The following LHFPL3 variants were observed in gnomAD, a reference collection of about 807,000 sequenced individuals.
LHFPL3 encodes the protein LHFPL tetraspan subfamily member 3 protein.
A neutral mutation model predicts 19.3 loss-of-function variants in LHFPL3; 5 were observed. The ratio of observed to expected loss-of-function variants is 0.26; its 90% CI spans 0.14 to 0.54. LHFPL3 has a LOEUF of 0.54. LHFPL3 is among the 20% of genes least tolerant of loss of function. The pLI is 0.94. For missense variants in LHFPL3, 249 were observed against 307.4 expected (o/e 0.81, Z 1.42); for synonymous variants, 133 against 126.2 (o/e 1.05, Z -0.36).
chr7:104,396,392 C>A (rs73403845), intron 1 of LHFPL3, among the ~76,000 whole-genome samples: 6,238 of 152,066 alleles, frequency 0.041, 445 homozygotes, highest in African/African-American at 0.14. Context: ...ATGAAGGTCT[C>A]CAGAGCAGCG....
chr7:104,592,373 G>A (rs1790742997), intron 1 of LHFPL3, among the ~76,000 whole-genome samples: 1 of 150,998 alleles, frequency 6.6e-6, no homozygotes, highest in Non-Finnish European at 1.5e-5. Context: ...GTCTGTTGGA[G>A]TTTGCTGGAC....
At chr7:104,506,325 ACTC>A (rs1793698308) in intron 1 of LHFPL3, among the ~76,000 whole-genome samples, 1 of 151,778 alleles carries the variant, frequency 6.6e-6, no homozygotes, top group Non-Finnish European at 1.5e-5. Flanking sequence ...CCATCGCTGA[ACTC>A]CTACTCATTC....
chr7:104,526,016 C>T (rs10255529), intron 1 of LHFPL3, among the ~76,000 whole-genome samples: 82,006 of 151,822 alleles, frequency 0.54, 22,276 homozygotes, highest in Middle Eastern at 0.63. Context: ...TTCCCTCCTT[C>T]TCTACTTGGC....
intron 1 of LHFPL3, among the ~76,000 whole-genome samples, chr7:104,384,238 A>G (rs1334048882): frequency 6.6e-6 from 1 of 152,206 alleles, no homozygotes; most frequent in Non-Finnish European, 1.5e-5. Context: ...AGATTAAATA[A>G]AAGGTTTAAG....
At chr7:104,575,077 G>A (rs1790299617) in intron 1 of LHFPL3, among the ~76,000 whole-genome samples, 1 of 142,056 alleles carries the variant, frequency 7.0e-6, no homozygotes, top group African/African-American at 2.7e-5. Flanking sequence ...GCATACTTTG[G>A]TTTCTGAGTA....
chr7:104,761,432 A>T (rs12674286), intron 2 of LHFPL3, among the ~76,000 whole-genome samples: 36,320 of 151,978 alleles, frequency 0.24, 4,593 homozygotes, highest in South Asian at 0.47. Context: ...AGCAAAAACA[A>T]TAGGAGGAAA....
At position 104,547,237 on chromosome 7, in the gene LHFPL3, C is replaced by T. The variant is rs1457136130; in HGVS notation, c.446-189438C>T. On this transcript the variant is annotated intron_variant, in intron 1 of 2. Transcript: ENST00000424859. ...CGGCCTGGGCGACAGAGCGAGACTCCGTCTCAAAAAAAAAAAAAAAAAAAA... is the reference window on the plus strand; with the variant it reads ...CGGCCTGGGCGACAGAGCGAGACTCTGTCTCAAAAAAAAAAAAAAAAAAAA... 2.8e-3 allele frequency among the ~76,000 whole-genome samples: 25 copies of T among 8,998 alleles called. 6 individuals are homozygous for T. The highest frequency in any genetic ancestry group is 5.3e-3 in the Non-Finnish European group (21 of 3,932). 5.9% of individuals were successfully genotyped at this position (8,998 alleles called of 152,430 possible).
At chr7:104,851,638 T>A (rs1379839456) in intron 2 of LHFPL3, among the ~76,000 whole-genome samples, 1 of 152,222 alleles carries the variant, frequency 6.6e-6, no homozygotes, top group Admixed American at 6.5e-5. Context: ...CTGGGCCTAC[T>A]GGGAGCTCCA....
At chr7:104,408,158 C>T (rs957514592) in intron 1 of LHFPL3, among the ~76,000 whole-genome samples, 4 of 152,148 alleles carry the variant, frequency 2.6e-5, no homozygotes, top group Middle Eastern at 3.2e-3. Context: ...ATTTTATTAT[C>T]CAGCACAGTC....
chr7:104,804,830 G>A (rs545582782), intron 2 of LHFPL3, among the ~76,000 whole-genome samples: 4 of 152,314 alleles, frequency 2.6e-5, no homozygotes, highest in African/African-American at 7.2e-5. Flanking sequence ...GCATTCTTGT[G>A]AGAGATATTG....
chr7:104,722,899 A>C (rs1793514726), intron 1 of LHFPL3, among the ~76,000 whole-genome samples: 1 of 152,190 alleles, frequency 6.6e-6, no homozygotes, highest in South Asian at 2.1e-4. Flanking sequence ...CTTTTTAAAG[A>C]ATGAATTTAG....
intron 1 of LHFPL3, among the ~76,000 whole-genome samples, chr7:104,636,479 G>C (rs1276151937): frequency 6.6e-6 from 1 of 152,068 alleles, no homozygotes; most frequent in Admixed American, 6.6e-5. Context: ...TCATCATCCA[G>C]GTACTAAGCA....
intron 2 of LHFPL3, among the ~76,000 whole-genome samples, chr7:104,903,091 G>A (rs1054383958): frequency 2.0e-5 from 3 of 152,124 alleles, no homozygotes; most frequent in Non-Finnish European, 4.4e-5. Flanking sequence ...CACTACCCTG[G>A]GGTCTGATCT....
rs79327767 is a variant in LHFPL3 at position 104,442,846 on chromosome 7, A to G, written c.445+113622A>G. Among the ~76,000 whole-genome samples, 388 of 152,180 alleles carry G rather than the reference A, an allele frequency of 2.5e-3. 2 individuals are homozygous for G. Among genetic ancestry groups the G allele is most frequent in the Non-Finnish European group, 3.5e-3 (237 of 68,004 alleles). On this transcript the variant is annotated intron_variant, in intron 1 of 2. Transcript: ENST00000424859. ...GAAATCACCACTTAATCTCTCCTAT[A>G]CTCTAGAATGCCAAAGAATAGGCCT...
At chr7:104,451,443 G>A (rs1792436762) in intron 1 of LHFPL3, among the ~76,000 whole-genome samples, 1 of 152,156 alleles carries the variant, frequency 6.6e-6, no homozygotes, top group Non-Finnish European at 1.5e-5. Context: ...TATAATGCGG[G>A]TGATGAAGAG....
intron 2 of LHFPL3, among the ~76,000 whole-genome samples, chr7:104,825,156 G>T (rs1790792705): frequency 6.6e-6 from 1 of 151,448 alleles, no homozygotes; most frequent in African/African-American, 2.4e-5. Flanking sequence ...AATAAATAAA[G>T]ATAGGAGGAC....
At chr7:104,900,121 T>C (rs1025555252) in intron 2 of LHFPL3, among the ~76,000 whole-genome samples, 2 of 152,218 alleles carry the variant, frequency 1.3e-5, no homozygotes, top group Admixed American at 1.3e-4. Flanking sequence ...TGGGCTTCAA[T>C]AGTAAAAGCC....
At chr7:104,887,096 T>C (rs529828719) in intron 2 of LHFPL3, among the ~76,000 whole-genome samples, 2 of 152,368 alleles carry the variant, frequency 1.3e-5, no homozygotes, top group East Asian at 3.8e-4. Flanking sequence ...CTTGTTATAC[T>C]GGCAGCCATT....
At chr7:104,637,541 T>A (rs1419252008) in intron 1 of LHFPL3, among the ~76,000 whole-genome samples, 1 of 152,238 alleles carries the variant, frequency 6.6e-6, no homozygotes, top group South Asian at 2.1e-4. Flanking sequence ...TTAATCCATC[T>A]TGTGTTGATT....
Sources: allele counts gnomAD v4.1 joint callset (sites outside exome capture counted in the v4.1 genomes callset), GRCh38; gene constraint gnomAD v4.1.1; transcripts MANE v1.5; gene names NCBI Gene and HGNC (gene_info 2026-07-23, HGNC 2026-07-21).